The following KCMF1 variants were observed in gnomAD, a reference collection of about 807,000 sequenced individuals.
KCMF1 encodes the protein potassium channel modulatory factor 1.
KCMF1 carries 3 observed loss-of-function variants against 41.1 expected under a neutral mutation model. That is an observed-to-expected ratio of 0.07 (90% CI 0.03 to 0.19). The LOEUF (loss-of-function observed/expected upper bound fraction) is 0.19. Among genes scored for constraint, KCMF1 ranks in the 10% least tolerant of loss-of-function variants. The pLI is 1.00. For synonymous variants in KCMF1, 142 were observed against 164.5 expected (o/e 0.86, Z 1.04); for missense variants, 286 against 488.9 (o/e 0.58, Z 3.91).
rs1234666292 is a variant in KCMF1 at position 85,059,262 on chromosome 2, T to G, written c.*5853T>G. 1 of 152,250 alleles carries G rather than the reference T, an allele frequency of 6.6e-6. No individual in the cohort carries two copies. The highest frequency in any genetic ancestry group is 2.4e-5 in the African/African-American group (1 of 41,464). 9.4% of individuals were successfully genotyped at this position (152,250 alleles called of 1,614,324 possible). A position where few individuals can be genotyped will look rare whatever the true frequency, so the allele number is the denominator to read the frequency against. On this transcript the variant is annotated 3_prime_UTR_variant, in exon 7 of 7. Coordinates refer to ENST00000409785, the MANE Select transcript of KCMF1 (RefSeq NM_020122.5). The stretch of plus-strand genomic sequence containing the variant: ...GTGTCTGTTGAATTGCCCTATCGGA[T>G]AGCAGCCACCATGTGTGCTGACCAC...
intron 1 of KCMF1, among the ~76,000 whole-genome samples, chr2:85,024,242 G>C (rs1368010243): frequency 6.6e-6 from 1 of 152,162 alleles, no homozygotes; most frequent in Admixed American, 6.5e-5. Context: ...CACTTTGGGA[G>C]GCCCAGGCGG....
intron 1 of KCMF1, among the ~76,000 whole-genome samples, chr2:84,989,972 A>G (rs914023635): frequency 2.6e-5 from 4 of 152,234 alleles, no homozygotes; most frequent in Non-Finnish European, 4.4e-5. Context: ...TTGGAGGAGC[A>G]GGAAACTAAC....
intron 1 of KCMF1, among the ~76,000 whole-genome samples, chr2:84,998,057 G>A (rs560020737): frequency 1.3e-5 from 2 of 151,544 alleles, no homozygotes; most frequent in Non-Finnish European, 2.9e-5. Flanking sequence ...ACAGGCATAA[G>A]CCCCCGTGCC....
intron 1 of KCMF1, among the ~76,000 whole-genome samples, chr2:84,994,194 C>T (rs1196243785): frequency 6.6e-6 from 1 of 152,044 alleles, no homozygotes; most frequent in Non-Finnish European, 1.5e-5. Flanking sequence ...GTGATCCGCC[C>T]ATCTCGGCCT....
Position 85,053,480 on chromosome 2 carries a change from GGTTT to G in KCMF1, c.*77_*80del, listed in dbSNP as rs1322387346. 2.1e-6 allele frequency: 3 copies of G among 1,448,226 alleles called. No homozygotes were observed. The African/African-American group carries it at 4.3e-5, about 21-fold the overall frequency. 89.7% of individuals were successfully genotyped at this position (1,448,226 alleles called of 1,614,324 possible). ...ATGAAAGTGGACAACAACTATCTTGGGTTTGTTTGGTGATTGTAATTTCAGGTCT... is the reference window on the plus strand; with the variant it reads ...ATGAAAGTGGACAACAACTATCTTGGGTTTGGTGATTGTAATTTCAGGTCT... On this transcript the variant is annotated 3_prime_UTR_variant, in exon 7 of 7. Transcript: ENST00000409785.
At chr2:84,977,006 C>T (rs935401006) in intron 1 of KCMF1, among the ~76,000 whole-genome samples, 3 of 151,932 alleles carry the variant, frequency 2.0e-5, no homozygotes, top group African/African-American at 7.3e-5. Flanking sequence ...AATTTTCTCT[C>T]TCTCTCTCCT....
intron 6 of KCMF1, among the ~76,000 whole-genome samples, chr2:85,051,572 C>T (rs1574045757): frequency 6.6e-6 from 1 of 152,014 alleles, no homozygotes; most frequent in East Asian, 1.9e-4. Context: ...CTTGAAATCC[C>T]CCTTCTATCA....
intron 1 of KCMF1, among the ~76,000 whole-genome samples, chr2:85,007,101 C>CAAAAAA (rs764401140): frequency 2.6e-3 from 133 of 51,230 alleles, no homozygotes; most frequent in Non-Finnish European, 3.6e-3. Context: ...AACTCAGTCT[C>CAAAAAA]AAAAAAAAAA....
chr2:85,018,182 A>T (rs758208624), intron 1 of KCMF1, among the ~76,000 whole-genome samples: 15 of 152,108 alleles, frequency 9.9e-5, no homozygotes, highest in Non-Finnish European at 2.1e-4. Flanking sequence ...ATAACACCGT[A>T]ACCTTATGAT....
chr2:85,015,153 CAA>C lies in KCMF1; in HGVS notation c.17-12714_17-12713del, dbSNP rs34773304. 3.4e-3 allele frequency among the ~76,000 whole-genome samples: 169 copies of C among 49,012 alleles called. 1 individual carries two copies. The highest frequency in any genetic ancestry group is 9.9e-3 in the African/African-American group (144 of 14,562). The allele number at this position is 49,012 out of a possible 152,430, so 32.2% of individuals were successfully genotyped here. A position where few individuals can be genotyped will look rare whatever the true frequency, so the allele number is the denominator to read the frequency against. On this transcript the variant is annotated intron_variant, in intron 1 of 6. Coordinates refer to ENST00000409785, the MANE Select transcript of KCMF1 (RefSeq NM_020122.5). The stretch of plus-strand genomic sequence containing the variant: ...TGGGCGACAGAGTGAGACTCCATCT[CAA>C]AAAAAAAAAAAAAAAAAAAAAGTCT...
chr2:84,980,313 A>G (rs967460659), intron 1 of KCMF1, among the ~76,000 whole-genome samples: 1 of 152,164 alleles, frequency 6.6e-6, no homozygotes, highest in African/African-American at 2.4e-5. Context: ...GAGGAAAGAC[A>G]GGCAAGGTGG....
intron 2 of KCMF1, among the ~76,000 whole-genome samples, chr2:85,034,057 G>A (rs1675349517): frequency 6.6e-6 from 1 of 151,808 alleles, no homozygotes; most frequent in East Asian, 1.9e-4. Context: ...TTAGCCGGAT[G>A]TGATGGCACA....
At chr2:85,047,057 G>T (rs565005356) in intron 5 of KCMF1, among the ~76,000 whole-genome samples, 7 of 152,180 alleles carry the variant, frequency 4.6e-5, no homozygotes, top group Non-Finnish European at 1.0e-4. Context: ...GTATGTATAG[G>T]GTTCTGTATT....
In KCMF1 at chr2:85,055,067, G is replaced by A. The variant is rs538263017; in HGVS notation, c.*1658G>A. 2 of 152,322 alleles carry A rather than the reference G, an allele frequency of 1.3e-5. No homozygotes were observed. The highest frequency in any genetic ancestry group is 1.9e-4 in the East Asian group (1 of 5,188). 9.4% of individuals were successfully genotyped at this position (152,322 alleles called of 1,614,324 possible). ...TTTCTTTAGTTCTGTAATGGATAAT[G>A]TTTAAAGGAAAACTTTACACCAGGC... On this transcript the variant is annotated 3_prime_UTR_variant, in exon 7 of 7. Coordinates refer to ENST00000409785, the MANE Select transcript of KCMF1 (RefSeq NM_020122.5).
intron 1 of KCMF1, among the ~76,000 whole-genome samples, chr2:84,972,817 C>T (rs750394106): frequency 2.0e-5 from 3 of 152,142 alleles, no homozygotes; most frequent in Admixed American, 6.5e-5. Flanking sequence ...TTAAAAGTTA[C>T]AAAACTAATA....
intron 1 of KCMF1, among the ~76,000 whole-genome samples, chr2:85,024,635 T>G (rs1287900585): frequency 6.7e-6 from 1 of 150,246 alleles, no homozygotes; most frequent in African/African-American, 2.5e-5. Flanking sequence ...AGAGAAAGAT[T>G]TAAGAAATTG....
chr2:84,976,625 C>G (rs1183213397), intron 1 of KCMF1, among the ~76,000 whole-genome samples: 1 of 145,866 alleles, frequency 6.9e-6, no homozygotes, highest in Non-Finnish European at 1.5e-5. Flanking sequence ...GACCCTATTT[C>G]TTTAAAAAAA....
At chr2:85,016,625 A>G (rs547980893) in intron 1 of KCMF1, among the ~76,000 whole-genome samples, 33 of 151,832 alleles carry the variant, frequency 2.2e-4, no homozygotes, top group African/African-American at 7.7e-4. Flanking sequence ...GTATCCTTTG[A>G]CCATTTTCTT....
At chr2:85,025,756 A>G (rs971601250) in intron 1 of KCMF1, among the ~76,000 whole-genome samples, 5 of 151,622 alleles carry the variant, frequency 3.3e-5, no homozygotes, top group Admixed American at 2.0e-4. Context: ...TTACAGGCAC[A>G]CACCACCATG....
Sources: gnomAD v4.1 joint callset for allele counts (sites outside exome capture counted in the v4.1 genomes callset) on GRCh38, gnomAD v4.1.1 for gene constraint, MANE v1.5 for transcripts, NCBI Gene and HGNC (gene_info 2026-07-23, HGNC 2026-07-21) for gene names.